The following WDR93 variants were observed in gnomAD, a reference collection of about 807,000 sequenced individuals.
WDR93 encodes WD repeat domain 93.
Under a neutral mutation model 82.9 loss-of-function variants are expected in WDR93, and 73 were observed. The ratio of observed to expected loss-of-function variants is 0.88; its 90% confidence interval spans 0.73 to 1.07. WDR93 has a LOEUF of 1.07. Among genes scored for constraint, WDR93 ranks in the 50% least tolerant of loss-of-function variants. WDR93 has a pLI of 0.00. For synonymous variants in WDR93, 283 were observed against 300.1 expected (o/e 0.94, Z 0.59); for missense variants, 738 against 826.0 (o/e 0.89, Z 1.31).
At chr15:89,737,346 G>C (rs1029381364) in intron 14 of WDR93, among the ~76,000 whole-genome samples, 1 of 152,230 alleles carries the variant, frequency 6.6e-6, no homozygotes, top group Non-Finnish European at 1.5e-5. Flanking sequence ...GGAATGCATA[G>C]CCCTGGAGCA....
In WDR93 at chr15:89,735,490, GC is replaced by G; in HGVS notation, c.1547del (p.Pro516LeufsTer2). The G allele has an allele frequency of 1.2e-6, 2 of 1,614,012 alleles. No homozygotes were observed. Among genetic ancestry groups the G allele is most frequent in the Non-Finnish European group, 1.7e-6 (2 of 1,179,980 alleles). On this transcript the variant is annotated frameshift_variant and splice_region_variant, in exon 14 of 17. Transcript: ENST00000268130. LOFTEE classifies it high-confidence loss of function. The part of the protein sequence containing the change: ...GPTISVLVER[P>X]VKHLDKTICA... The stretch of plus-strand genomic sequence containing the variant: ...TGTCTGTATATTTTCTGTCCTATAG[GC>G]CTGTAAAGCACCTGGATAAAACCAT...
intron 1 of WDR93, among the ~76,000 whole-genome samples, chr15:89,694,932 G>T (rs1199182005): frequency 5.3e-5 from 8 of 152,134 alleles, no homozygotes; most frequent in Non-Finnish European, 1.0e-4. Context: ...TTGCTGAAAA[G>T]AATATCCTTT....
chr15:89,718,954 A>G (rs929232175), intron 7 of WDR93, among the ~76,000 whole-genome samples: 1 of 152,200 alleles, frequency 6.6e-6, no homozygotes, highest in Non-Finnish European at 1.5e-5. Context: ...GTGTGTATTT[A>G]CATCTTACGT....
At chr15:89,699,406 T>G (rs1209529869) in intron 1 of WDR93, among the ~76,000 whole-genome samples, 1 of 141,354 alleles carries the variant, frequency 7.1e-6, no homozygotes, top group Non-Finnish European at 1.6e-5. Flanking sequence ...TTTGTTCCTC[T>G]GTACATGGGA....
chr15:89,709,927 G>A (rs893425120), intron 4 of WDR93, among the ~76,000 whole-genome samples: 4 of 152,118 alleles, frequency 2.6e-5, no homozygotes, highest in South Asian at 2.1e-4. Flanking sequence ...GTGGGAGGCT[G>A]AGGCGGGCGG....
intron 8 of WDR93, among the ~76,000 whole-genome samples, chr15:89,726,227 A>G (rs989700256): frequency 2.0e-5 from 3 of 152,336 alleles, no homozygotes; most frequent in Non-Finnish European, 2.9e-5. Flanking sequence ...GTTCAAGCCT[A>G]GCCTGGGCAA....
intron 7 of WDR93, 63 bp downstream of exon 7, chr15:89,717,012 AATT>A (rs1025010005): frequency 8.9e-6 from 9 of 1,014,222 alleles, no homozygotes; most frequent in African/African-American, 1.7e-5. Context: ...ATTTTTTAAA[AATT>A]ATTATTTTTC....
chr15:89,740,277 G>A (rs193144770), intron 16 of WDR93, among the ~76,000 whole-genome samples: 11 of 152,248 alleles, frequency 7.2e-5, no homozygotes, highest in Admixed American at 3.9e-4. Context: ...GCTCATACCT[G>A]CACTTAACAG....
intron 1 of WDR93, among the ~76,000 whole-genome samples, chr15:89,699,406 T>C (rs1209529869): frequency 1.4e-5 from 2 of 141,354 alleles, no homozygotes; most frequent in Non-Finnish European, 3.1e-5. Flanking sequence ...TTTGTTCCTC[T>C]GTACATGGGA....
In WDR93 at chr15:89,712,089, G is replaced by T. The variant is rs1009715158; in HGVS notation, c.625G>T (p.Ala209Ser). 2 of 1,612,402 alleles carry T rather than the reference G, an allele frequency of 1.2e-6. No individual in the cohort carries two copies. Among genetic ancestry groups the T allele is most frequent in the South Asian group, 2.2e-5 (2 of 90,782 alleles). Residue 209 changes from alanine to serine, a missense_variant, in exon 5 of 17, where the codon GCC becomes TCC. Physicochemically the swap from Ala to Ser is moderately conservative, Grantham distance 99. Coordinates refer to ENST00000268130, the MANE Select transcript of WDR93 (RefSeq NM_020212.2). The stretch of plus-strand genomic sequence containing the variant: ...GATCTCTCAAGGAGGGGACTTTGCA[G>T]CCTTCCTCCTACAAGGCAAGATTAA... ...MEISQGGDFAAFLLQGAGDIW... is the reference protein window; with the variant it reads ...MEISQGGDFASFLLQGAGDIW...
intron 8 of WDR93, among the ~76,000 whole-genome samples, chr15:89,725,026 C>T (rs1966677911): frequency 6.6e-6 from 1 of 152,062 alleles, no homozygotes; most frequent in Non-Finnish European, 1.5e-5. Context: ...TGAGATTTTT[C>T]AGTGCTAAAA....
chr15:89,724,033 A>C (rs1418471247), intron 8 of WDR93, among the ~76,000 whole-genome samples: 1 of 152,096 alleles, frequency 6.6e-6, no homozygotes, highest in Non-Finnish European at 1.5e-5. Context: ...CCCCGTCTGT[A>C]CTAGAAATAC....
At chr15:89,737,928 C>A in intron 15 of WDR93, 113 bp from the exon 16 acceptor site, 1 of 1,352,764 alleles carries the variant, frequency 7.4e-7, no homozygotes, top group Non-Finnish European at 1.0e-6. Context: ...CAGCTCAACC[C>A]AGATGACCCA....
At chr15:89,740,922 C>T (rs1967621213) in intron 16 of WDR93, among the ~76,000 whole-genome samples, 1 of 152,030 alleles carries the variant, frequency 6.6e-6, no homozygotes, top group African/African-American at 2.4e-5. Flanking sequence ...GGTGGATCAC[C>T]TAAGGCCAGG....
In WDR93 at chr15:89,738,145, A is replaced by C. The variant is rs755184100; in HGVS notation, c.1870A>C (p.Asn624His). ...ACPLLENISKNCTIPQRDLDN... is the reference protein window; with the variant it reads ...ACPLLENISKHCTIPQRDLDN... ...CCCACTCCTGGAAAATATCTCAAAA[A>C]ATTGTACCATTCCTCAAAGGGACTT... The change falls in exon 16 of 17, where the codon AAT becomes CAT. Residue 624 changes from asparagine (N) to histidine (H), a missense_variant. Transcript: ENST00000268130. The C allele has an allele frequency of 1.3e-5, 21 of 1,614,116 alleles. No homozygotes were observed. Among genetic ancestry groups the C allele is most frequent in the Middle Eastern group, 1.6e-4 (1 of 6,084 alleles).
intron 16 of WDR93, 117 bp downstream of exon 16, chr15:89,738,353 G>T: frequency 7.8e-7 from 1 of 1,286,212 alleles, no homozygotes; most frequent in Non-Finnish European, 1.1e-6. Flanking sequence ...CTGGCTGGGC[G>T]TGGTGGCTCA....
chr15:89,737,353 A>G (rs1967283899), intron 14 of WDR93, among the ~76,000 whole-genome samples: 1 of 152,172 alleles, frequency 6.6e-6, no homozygotes, highest in African/African-American at 2.4e-5. Context: ...ATAGCCCTGG[A>G]GCAGACAGCA....
intron 6 of WDR93, among the ~76,000 whole-genome samples, chr15:89,716,615 A>G (rs1217705749): frequency 2.0e-5 from 3 of 152,228 alleles, no homozygotes; most frequent in Non-Finnish European, 4.4e-5. Flanking sequence ...ATTTGCCTCA[A>G]TTTGGATTCT....
At chr15:89,737,769 C>T in intron 15 of WDR93, 40 bp downstream of exon 15, 1 of 1,611,910 alleles carries the variant, frequency 6.2e-7, no homozygotes, top group Non-Finnish European at 8.5e-7. Context: ...CTGACCATTT[C>T]CCTGACTTAG....
Sources: gnomAD v4.1 joint callset for allele counts (sites outside exome capture counted in the v4.1 genomes callset) on GRCh38, gnomAD v4.1.1 for gene constraint, MANE v1.5 for transcripts, NCBI Gene and HGNC (gene_info 2026-07-23, HGNC 2026-07-21) for gene names.